Variants in ORC5 observed in about 807,000 individuals in gnomAD.
The protein encoded by ORC5 is protein phosphatase 1, regulatory subunit 117.
Under a neutral mutation model 58.8 loss-of-function variants are expected in ORC5, and 39 were observed. That is an observed-to-expected ratio of 0.66 (90% CI 0.51 to 0.87). The LOEUF is 0.87. Ranked by LOEUF, ORC5 falls within the 40% of genes least tolerant of loss-of-function variation. The pLI is 0.00. For synonymous variants in ORC5, 218 were observed against 177.6 expected (o/e 1.23, Z -1.81); for missense variants, 493 against 506.3 (o/e 0.97, Z 0.25).
At chr7:104,142,261 T>G (rs1798685481) in intron 12 of ORC5, among the ~76,000 whole-genome samples, 1 of 152,088 alleles carries the variant, frequency 6.6e-6, no homozygotes, top group African/African-American at 2.4e-5. Context: ...ACGACTTAAA[T>G]GTAAGACATG....
intron 13 of ORC5, among the ~76,000 whole-genome samples, chr7:104,134,897 A>T (rs1798565691): frequency 6.6e-6 from 1 of 152,140 alleles, no homozygotes; most frequent in African/African-American, 2.4e-5. Context: ...GCGGGTGCTT[A>T]TTCTATGGAT....
intron 13 of ORC5, among the ~76,000 whole-genome samples, chr7:104,135,494 C>T (rs1273746298): frequency 3.3e-5 from 5 of 152,156 alleles, no homozygotes; most frequent in African/African-American, 1.2e-4. Flanking sequence ...GGTCTCACTA[C>T]GTTGCCCAGG....
At chr7:104,158,697 C>T (rs1053302414) in intron 12 of ORC5, among the ~76,000 whole-genome samples, 3 of 151,858 alleles carry the variant, frequency 2.0e-5, no homozygotes, top group East Asian at 1.9e-4. Flanking sequence ...CAAAAGAAGA[C>T]ATTTATGCAG....
At chr7:104,130,407 A>G (rs1315132395) in intron 13 of ORC5, among the ~76,000 whole-genome samples, 5 of 152,168 alleles carry the variant, frequency 3.3e-5, no homozygotes, top group African/African-American at 4.8e-5. Flanking sequence ...CTCAAAGGAC[A>G]TAGTCTTTTC....
At chr7:104,131,851 C>CA (rs11306183) in intron 13 of ORC5, among the ~76,000 whole-genome samples, 176 of 115,522 alleles carry the variant, frequency 1.5e-3, no homozygotes, top group East Asian at 4.9e-3. Context: ...GATTCTGTCT[C>CA]AAAAAAAAAA....
At chr7:104,183,909 T>G (rs1309802294) in intron 8 of ORC5, 34 bp downstream of exon 8, 2 of 1,350,512 alleles carry the variant, frequency 1.5e-6, no homozygotes, top group Admixed American at 1.9e-5. Flanking sequence ...AATAAAGATA[T>G]AAAAACTAGT....
intron 9 of ORC5, among the ~76,000 whole-genome samples, chr7:104,167,650 T>C (rs375830362): frequency 1.8e-4 from 28 of 152,334 alleles, no homozygotes; most frequent in African/African-American, 6.7e-4. Flanking sequence ...AGGAATCTGA[T>C]ATTTACTGAA....
chr7:104,142,809 T>C lies in ORC5; in HGVS notation c.1150-5916A>G, dbSNP rs896627257. On this transcript the variant is annotated intron_variant, in intron 12 of 13. Transcript: ENST00000297431. ...GAGCTCGTATCTCTTAAAAGATTAATTGTTTGACACCTTTACTATGAAAAG... is the reference window on the plus strand; with the variant it reads ...GAGCTCGTATCTCTTAAAAGATTAACTGTTTGACACCTTTACTATGAAAAG... 3.9e-4 allele frequency among the ~76,000 whole-genome samples: 60 copies of C among 152,162 alleles called. 1 individual carries two copies. The Middle Eastern group carries it at 9.5e-3, about 24-fold the overall frequency.
intron 5 of ORC5, among the ~76,000 whole-genome samples, chr7:104,189,562 A>T (rs1439403053): frequency 6.6e-6 from 1 of 152,132 alleles, no homozygotes; most frequent in Admixed American, 6.5e-5. Flanking sequence ...TCCATGACCA[A>T]TGACCAATGA....
intron 12 of ORC5, among the ~76,000 whole-genome samples, chr7:104,157,267 CA>C (rs1304371443): frequency 1.3e-5 from 2 of 151,944 alleles, no homozygotes; most frequent in African/African-American, 2.4e-5. Flanking sequence ...ACTGACCAAG[CA>C]AAAGTAAAGA....
intron 5 of ORC5, among the ~76,000 whole-genome samples, chr7:104,190,151 TA>T (rs199567862): frequency 8.7e-5 from 13 of 148,868 alleles, no homozygotes; most frequent in African/African-American, 1.5e-4. Flanking sequence ...AAACTGAGGG[TA>T]AAAAAAAAAT....
At chr7:104,191,193 T>C (rs770189293) in intron 5 of ORC5, among the ~76,000 whole-genome samples, 1 of 149,962 alleles carries the variant, frequency 6.7e-6, no homozygotes, top group Non-Finnish European at 1.5e-5. Flanking sequence ...ACTTTAAATA[T>C]AATGTCACTA....
At chr7:104,161,254 GC>G in intron 11 of ORC5, 72 bp from the exon 12 acceptor site, 2 of 787,910 alleles carry the variant, frequency 2.5e-6, no homozygotes, top group Non-Finnish European at 4.4e-6. Context: ...CTACAAAACT[GC>G]CAGTAACAAT....
intron 12 of ORC5, among the ~76,000 whole-genome samples, chr7:104,143,471 C>G (rs1444697727): frequency 6.6e-6 from 1 of 152,270 alleles, no homozygotes; most frequent in Middle Eastern, 3.4e-3. Context: ...AAGTCACTTT[C>G]AGTTCTACCA....
At chr7:104,189,800 T>C (rs1799633640) in intron 5 of ORC5, among the ~76,000 whole-genome samples, 1 of 152,200 alleles carries the variant, frequency 6.6e-6, no homozygotes, top group South Asian at 2.1e-4. Flanking sequence ...GTAAGTACAG[T>C]GTTTCCTTGA....
intron 12 of ORC5, among the ~76,000 whole-genome samples, chr7:104,155,356 A>T (rs1396040258): frequency 6.6e-6 from 1 of 151,722 alleles, no homozygotes; most frequent in African/African-American, 2.4e-5. Context: ...ACTAAGTATG[A>T]AACCACTCAG....
intron 2 of ORC5, among the ~76,000 whole-genome samples, chr7:104,201,430 C>G (rs1037902512): frequency 1.3e-5 from 2 of 152,028 alleles, no homozygotes; most frequent in African/African-American, 4.8e-5. Context: ...AAAACTGTCC[C>G]TTCATTAAAC....
chr7:104,127,291 C>T (rs944388538), intron 13 of ORC5, among the ~76,000 whole-genome samples: 1 of 152,172 alleles, frequency 6.6e-6, no homozygotes, highest in African/African-American at 2.4e-5. Context: ...TCTTCCGAGA[C>T]ACCTGTTTTG....
chr7:104,200,345 A>T (rs1230621183), intron 3 of ORC5, among the ~76,000 whole-genome samples: 1 of 152,126 alleles, frequency 6.6e-6, no homozygotes, highest in African/African-American at 2.4e-5. Flanking sequence ...TAACCCACTA[A>T]AACTAGACTA....
Sources: allele counts gnomAD v4.1 joint callset (sites outside exome capture counted in the v4.1 genomes callset), GRCh38; gene constraint gnomAD v4.1.1; transcripts MANE v1.5; gene names NCBI Gene and HGNC (gene_info 2026-07-23, HGNC 2026-07-21).